Variants in ACO1 observed in about 807,000 individuals in gnomAD.
ACO1 encodes aconitase 1.
In ACO1, 78 loss-of-function variants were observed where a neutral mutation model predicts 105.1. That is an observed-to-expected ratio of 0.74 (90% CI 0.62 to 0.90). The LOEUF (loss-of-function observed/expected upper bound fraction) is 0.90, where lower values mean the gene tolerates loss of function less well. ACO1 is among the 40% of genes least tolerant of loss of function. The pLI is 0.00. For synonymous variants in ACO1, 364 were observed against 397.4 expected, an observed-to-expected ratio of 0.92 and a Z score of 1.00; for missense variants, 965 against 1,111.1, an observed-to-expected ratio of 0.87 and a Z score of 1.87.
At chr9:32,411,167 C>T (rs1198936906) in intron 4 of ACO1, among the ~76,000 whole-genome samples, 2 of 152,128 alleles carry the variant, frequency 1.3e-5, no homozygotes, top group African/African-American at 4.8e-5. Flanking sequence ...CACCCGTCTT[C>T]GGTGGAAGTA....
chr9:32,444,583 G>C (rs916892361), intron 19 of ACO1, among the ~76,000 whole-genome samples: 1 of 152,188 alleles, frequency 6.6e-6, no homozygotes, highest in Non-Finnish European at 1.5e-5. Flanking sequence ...CAGTGAGGAT[G>C]AGCATTTTTT....
At chr9:32,449,894 C>T in intron 20 of ACO1, 104 bp from the exon 21 acceptor site, 1 of 802,846 alleles carries the variant, frequency 1.2e-6, no homozygotes, top group South Asian at 1.6e-5. Context: ...GCTGGTGTTA[C>T]TGAAGTGTGG....
chr9:32,432,178 T>TA, intron 15 of ACO1, among the ~76,000 whole-genome samples: 1 of 152,226 alleles, frequency 6.6e-6, no homozygotes, highest in East Asian at 1.9e-4. Context: ...GTGGTCACTA[T>TA]ATTGTGTCAC....
At chr9:32,406,431 G>A (rs994393087) in intron 2 of ACO1, among the ~76,000 whole-genome samples, 4 of 152,108 alleles carry the variant, frequency 2.6e-5, no homozygotes, top group African/African-American at 9.7e-5. Flanking sequence ...GACTAGCCTG[G>A]GCAACATAGC....
intron 1 of ACO1, among the ~76,000 whole-genome samples, chr9:32,389,003 C>G (rs1281469102): frequency 1.3e-5 from 2 of 152,136 alleles, no homozygotes; most frequent in Non-Finnish European, 1.5e-5. Context: ...AAGAGAGAGA[C>G]TCTCAAGTCA....
Position 32,440,502 on chromosome 9 carries a change from C to T in ACO1, c.2285C>T (p.Ala762Val). ...GATGCTGCTGAGCGGTACCAGCAGG[C>T]AGGCCTTCCCCTGATCGTTCTGGCT... ...VFDAAERYQQAGLPLIVLAGK... is the reference protein window; with the variant it reads ...VFDAAERYQQVGLPLIVLAGK... The change falls in exon 19 of 21, where the codon GCA (alanine) becomes GTA (valine). Residue 762 changes from alanine to valine, a missense_variant. By Grantham distance (64) the Ala-to-Val change is moderately conservative. Coordinates refer to ENST00000309951, the MANE Select transcript of ACO1 (RefSeq NM_002197.3). 1 of 1,614,034 alleles carries T rather than the reference C, an allele frequency of 6.2e-7. No individual in the cohort carries two copies. Among genetic ancestry groups the T allele is most frequent in the Non-Finnish European group, 8.5e-7 (1 of 1,179,946 alleles).
chr9:32,449,970 A>ATGATGCTTC, intron 20 of ACO1, 28 bp from the exon 21 acceptor site: 1 of 1,593,418 alleles, frequency 6.3e-7, no homozygotes, highest in South Asian at 1.1e-5. Flanking sequence ...ACCTCCCTCA[A>ATGATGCTTC]TGATGCTTCT....
At chr9:32,420,653 T>A (rs943639858) in intron 7 of ACO1, among the ~76,000 whole-genome samples, 1 of 152,252 alleles carries the variant, frequency 6.6e-6, no homozygotes, top group East Asian at 1.9e-4. Context: ...CCCAGAATTC[T>A]GCTCCAGAAT....
intron 6 of ACO1, 139 bp downstream of exon 6, chr9:32,418,650 C>A: frequency 1.0e-6 from 1 of 991,730 alleles, no homozygotes; most frequent in Non-Finnish European, 1.5e-6. Flanking sequence ...GCTGTTTTTC[C>A]AGTGCCTAGA....
At chr9:32,389,816 T>TTTA (rs1821229540) in intron 1 of ACO1, among the ~76,000 whole-genome samples, 1 of 150,860 alleles carries the variant, frequency 6.6e-6, no homozygotes, top group South Asian at 2.1e-4. Context: ...TTTTTTTTTT[T>TTTA]GAGACAGCGT....
chr9:32,449,878 T>G, intron 20 of ACO1, 120 bp from the exon 21 acceptor site: 1 of 713,380 alleles, frequency 1.4e-6, no homozygotes, highest in Non-Finnish European at 2.5e-6. Context: ...CATGTCCTCA[T>G]GTGCTGCTGG....
intron 19 of ACO1, among the ~76,000 whole-genome samples, chr9:32,442,306 T>A (rs1648391701): frequency 6.6e-6 from 1 of 152,098 alleles, no homozygotes; most frequent in Non-Finnish European, 1.5e-5. Flanking sequence ...CAAGACATTC[T>A]GATGCAGCAG....
At chr9:32,427,083 A>G (rs144977155) in intron 11 of ACO1, among the ~76,000 whole-genome samples, 2 of 152,234 alleles carry the variant, frequency 1.3e-5, no homozygotes, top group Non-Finnish European at 2.9e-5. Context: ...TTCCTTGCCT[A>G]GCTTTGAGTT....
At chr9:32,424,482 A>G (rs1822042953) in intron 9 of ACO1, 67 bp from the exon 10 acceptor site, 1 of 1,031,808 alleles carries the variant, frequency 9.7e-7, no homozygotes, top group Admixed American at 2.2e-5. Context: ...ATTCTCTGAC[A>G]TGCTTTGGGT....
At chr9:32,443,242 A>G in intron 19 of ACO1, among the ~76,000 whole-genome samples, 1 of 152,168 alleles carries the variant, frequency 6.6e-6, no homozygotes, top group East Asian at 1.9e-4. Flanking sequence ...GATGTATTCA[A>G]GATGTAATTC....
chr9:32,403,891 G>A (rs1587519612), intron 1 of ACO1, among the ~76,000 whole-genome samples: 1 of 152,200 alleles, frequency 6.6e-6, no homozygotes, highest in Admixed American at 6.5e-5. Context: ...AGTTGCTACT[G>A]TTTGAGGGTG....
chr9:32,429,385 T>C (rs1232769309), intron 12 of ACO1, 34 bp from the exon 13 acceptor site: 8 of 1,600,128 alleles, frequency 5.0e-6, no homozygotes, highest in Non-Finnish European at 6.8e-6. Context: ...GTTATTCTTT[T>C]TTTGTGTGTG....
At chr9:32,406,426 G>T (rs111937481) in intron 2 of ACO1, among the ~76,000 whole-genome samples, 1 of 152,182 alleles carries the variant, frequency 6.6e-6, no homozygotes, top group South Asian at 2.1e-4. Flanking sequence ...TTTAAGACTA[G>T]CCTGGGCAAC....
At chr9:32,438,896 T>C (rs1822419725) in intron 18 of ACO1, among the ~76,000 whole-genome samples, 1 of 152,182 alleles carries the variant, frequency 6.6e-6, no homozygotes, top group African/African-American at 2.4e-5. Context: ...GACAGATAAT[T>C]TTAAAAAGTG....
Sources: allele counts gnomAD v4.1 joint callset (sites outside exome capture counted in the v4.1 genomes callset), GRCh38; gene constraint gnomAD v4.1.1; transcripts MANE v1.5; gene names NCBI Gene and HGNC (gene_info 2026-07-23, HGNC 2026-07-21).